Variants in ATP2A2 observed in about 807,000 individuals in gnomAD.
ATP2A2 encodes the protein ATPase sarcoplasmic/endoplasmic reticulum Ca2+ transporting 2, also known as sarcoplasmic/endoplasmic reticulum calcium ATPase 2.
A neutral mutation model predicts 109.3 loss-of-function variants in ATP2A2; 14 were observed. The ratio of observed to expected loss-of-function variants is 0.13; its 90% CI spans 0.08 to 0.20. ATP2A2 has a LOEUF of 0.20. Ranked by LOEUF, ATP2A2 falls within the 10% of genes least tolerant of loss-of-function variation. The pLI, the probability that ATP2A2 is intolerant of heterozygous loss-of-function variation, is 1.00. For missense variants in ATP2A2, 657 were observed against 1,321.6 expected (o/e 0.50, Z 7.80); for synonymous variants, 506 against 490.9 (o/e 1.03, Z -0.41).
intron 3 of ATP2A2, 29 bp from the exon 4 acceptor site, chr12:110,291,989 GAC>G (rs1278074955): frequency 6.3e-7 from 1 of 1,584,638 alleles, no homozygotes; most frequent in Non-Finnish European, 8.7e-7. Flanking sequence ...AGCCTAAAAA[GAC>G]ACATTCTAAC....
Position 110,333,202 on chromosome 12 carries a change from G to A in ATP2A2, c.1206G>A (p.Val402=), listed in dbSNP as rs1376661762. Residue 402 remains valine, a synonymous_variant, in exon 10 of 20, where the codon GTG becomes GTA. Transcript: ENST00000539276. The part of the protein sequence containing the change: ...IGEVHKDDKP[V]NCHQYDGLVE... ...GCAGGCATAAAGATGATAAACCAGT[G>A]AATTGTCACCAGTATGATGGTCTGG... 1 of 1,613,806 alleles carries A rather than the reference G, an allele frequency of 6.2e-7. No homozygotes were observed. The highest frequency in any genetic ancestry group is 8.5e-7 in the Non-Finnish European group (1 of 1,179,844).
In ATP2A2 at chr12:110,349,832, C is replaced by T. The variant is rs957077759; in HGVS notation, c.*3362C>T. 18 of 1,045,370 alleles carry T rather than the reference C, an allele frequency of 1.7e-5. No individual in the cohort carries two copies. Among genetic ancestry groups the T allele is most frequent in the African/African-American group, 1.7e-4 (10 of 59,600 alleles). 64.8% of individuals were successfully genotyped at this position (1,045,370 alleles called of 1,614,324 possible). On this transcript the variant is annotated 3_prime_UTR_variant, in exon 20 of 20. Coordinates refer to ENST00000539276, the MANE Select transcript of ATP2A2 (RefSeq NM_170665.4). ...CCCTCCTTTACTGAGGAGAATGATGCGGAGGAGTTTCCTCTCCAGGGCTAG... is the reference window on the plus strand; with the variant it reads ...CCCTCCTTTACTGAGGAGAATGATGTGGAGGAGTTTCCTCTCCAGGGCTAG...
intron 8 of ATP2A2, chr12:110,329,693 A>T (rs955245908): frequency 2.0e-5 from 3 of 152,206 alleles, no homozygotes; most frequent in African/African-American, 7.2e-5. Flanking sequence ...AAGTGCTGGG[A>T]TTATAGGCGT....
intron 8 of ATP2A2, 166 bp from the exon 9 acceptor site, chr12:110,332,431 G>T: frequency 2.9e-6 from 2 of 682,574 alleles, no homozygotes; most frequent in East Asian, 2.6e-5. Context: ...GTTAGGGTAA[G>T]GGACAGTACT....
intron 11 of ATP2A2, among the ~76,000 whole-genome samples, chr12:110,334,746 C>A (rs989304820): frequency 6.6e-6 from 1 of 152,084 alleles, no homozygotes; most frequent in African/African-American, 2.4e-5. Flanking sequence ...CGCCACCACG[C>A]CTGGCTAATT....
intron 5 of ATP2A2, among the ~76,000 whole-genome samples, chr12:110,298,819 G>A (rs557998068): frequency 4.3e-4 from 66 of 152,130 alleles, no homozygotes; most frequent in Non-Finnish European, 8.1e-4. Flanking sequence ...CTGTTGAAGG[G>A]TATATTGCAG....
chr12:110,343,355 C>T lies in ATP2A2; in HGVS notation c.2442C>T (p.Asp814=). 6.2e-7 allele frequency: 1 copy of T among 1,614,194 alleles called. No individual in the cohort carries two copies. The highest frequency in any genetic ancestry group is 1.7e-5 in the Admixed American group (1 of 60,020). ...TGGGGTTCAACCCTCCTGATCTGGA[C>T]ATCATGAATAAACCTCCCCGGAACC... ...TALGFNPPDL[D]IMNKPPRNPK... Residue 814 remains aspartate (D), a synonymous_variant, in exon 16 of 20, where the codon GAC becomes GAT. Coordinates refer to ENST00000539276, the MANE Select transcript of ATP2A2 (RefSeq NM_170665.4).
rs375770050 is a variant in ATP2A2, at chr12:110,340,775, C to T, written c.1878C>T (p.Asp626=). ...TCCGGGTCATCATGATCACTGGGGACAACAAGGGCACTGCTGTGGCCATCT... is the reference window on the plus strand; with the variant it reads ...TCCGGGTCATCATGATCACTGGGGATAACAAGGGCACTGCTGTGGCCATCT... ...AGIRVIMITG[D]NKGTAVAICR... Residue 626 remains aspartate, a synonymous_variant, in exon 14 of 20, where the codon GAC becomes GAT. Coordinates refer to ENST00000539276, the MANE Select transcript of ATP2A2 (RefSeq NM_170665.4). This position sits in a 1 kb window ranked among gnomAD's most constrained non-coding sequence, Gnocchi z 6.0. 21 of 1,614,024 alleles carry T rather than the reference C, an allele frequency of 1.3e-5. No individual in the cohort carries two copies. The highest frequency in any genetic ancestry group is 1.8e-5 in the Non-Finnish European group (21 of 1,180,044).
At chr12:110,337,027 A>G (rs925895218) in intron 11 of ATP2A2, among the ~76,000 whole-genome samples, 5 of 152,204 alleles carry the variant, frequency 3.3e-5, no homozygotes, top group Non-Finnish European at 5.9e-5. Context: ...GAAACAAGTC[A>G]TGTAATGGGG....
In ATP2A2 at chr12:110,327,439, G is replaced by A; in HGVS notation, c.631-114G>A. ...GCTGGTTGCTTGAACAGTAGCCAGTGGAAGACCTAGTAGAATGTGTAGAGA... is the reference window on the plus strand; with the variant it reads ...GCTGGTTGCTTGAACAGTAGCCAGTAGAAGACCTAGTAGAATGTGTAGAGA... On this transcript the variant is annotated intron_variant, in intron 7 of 19. Transcript: ENST00000539276. The surrounding 1 kb of genome is among the most constrained non-coding windows in gnomAD (Gnocchi z 4.4). 2.1e-6 allele frequency: 2 copies of A among 958,516 alleles called. No individual in the cohort carries two copies. Among genetic ancestry groups the A allele is most frequent in the Non-Finnish European group, 1.7e-6 (1 of 584,518 alleles). The allele number at this position is 958,516 out of a possible 1,614,324, so 59.4% of individuals were successfully genotyped here.
At chr12:110,321,699 T>A (rs1407049079) in intron 5 of ATP2A2, among the ~76,000 whole-genome samples, 1 of 151,588 alleles carries the variant, frequency 6.6e-6, no homozygotes, top group African/African-American at 2.4e-5. Context: ...CCTCCCAAAG[T>A]GTTGGGATTA....
At position 110,339,992 on chromosome 12, in the gene ATP2A2, C is replaced by T. The variant is rs568961553; in HGVS notation, c.1761+271C>T. ...TAAGCTTGTAAACCCCATTTTGCCT[C>T]TCATCTAAATCATGATTTTTTTTAA... On this transcript the variant is annotated intron_variant, in intron 13 of 19. Transcript: ENST00000539276. This position sits in a 1 kb window ranked among gnomAD's most constrained non-coding sequence, Gnocchi z 4.4. Among the ~76,000 whole-genome samples the T allele has an allele frequency of 6.6e-5, 10 of 152,248 alleles. No individual in the cohort carries two copies. In the East Asian group the frequency reaches 1.9e-3, roughly 29 times the overall value.
At position 110,324,288 on chromosome 12, in the gene ATP2A2, A is replaced by G. The variant is rs74412450; in HGVS notation, c.544+1216A>G. On this transcript the variant is annotated intron_variant, in intron 6 of 19. Coordinates refer to ENST00000539276, the MANE Select transcript of ATP2A2 (RefSeq NM_170665.4). ...TTTTTTTGGTATTGTTTCTTTATAA[A>G]TAGCTTACTTATTAAAATTCTCATT... 8.1e-3 allele frequency among the ~76,000 whole-genome samples: 1,231 copies of G among 152,276 alleles called. 1 individual carries two copies. The highest frequency in any genetic ancestry group is 9.5e-3 in the Non-Finnish European group (643 of 68,024).
At position 110,339,843 on chromosome 12, in the gene ATP2A2, T is replaced by A; in HGVS notation, c.1761+122T>A. 9.4e-7 allele frequency: 1 copy of A among 1,066,506 alleles called. No homozygotes were observed. The highest frequency in any genetic ancestry group is 1.4e-6 in the Non-Finnish European group (1 of 716,528). 66.1% of individuals were successfully genotyped at this position (1,066,506 alleles called of 1,614,324 possible). ...GCCAAGAAAGAGGTGTGGTTATTTGTTTTTCTGCCTGCCAGCTGTGTCACC... is the reference window on the plus strand; with the variant it reads ...GCCAAGAAAGAGGTGTGGTTATTTGATTTTCTGCCTGCCAGCTGTGTCACC... On this transcript the variant is annotated intron_variant, in intron 13 of 19. Coordinates refer to ENST00000539276, the MANE Select transcript of ATP2A2 (RefSeq NM_170665.4). This position sits in a 1 kb window ranked among gnomAD's most constrained non-coding sequence, Gnocchi z 4.4.
rs1880145566 is a variant in ATP2A2 at position 110,348,996 on chromosome 12, G to C, written c.*2526G>C. On this transcript the variant is annotated 3_prime_UTR_variant, in exon 20 of 20. Coordinates refer to ENST00000539276, the MANE Select transcript of ATP2A2 (RefSeq NM_170665.4). ...TGGCCTTTACAAAAAAAGTTGAGTA[G>C]TGTGTGGCCTGCTGTCGCACAGCCC... The C allele has an allele frequency of 1.8e-5, 18 of 985,344 alleles. No individual in the cohort carries two copies. The highest frequency in any genetic ancestry group is 4.7e-5 in the South Asian group (1 of 21,292). 61.0% of individuals were successfully genotyped at this position (985,344 alleles called of 1,614,324 possible).
At chr12:110,316,542 A>G (rs1327730447) in intron 5 of ATP2A2, among the ~76,000 whole-genome samples, 1 of 152,216 alleles carries the variant, frequency 6.6e-6, no homozygotes, top group East Asian at 1.9e-4. Context: ...TGTGTGCCAA[A>G]TGCTTTATTC....
At chr12:110,293,276 A>G (rs375135949) in intron 4 of ATP2A2, among the ~76,000 whole-genome samples, 1 of 150,742 alleles carries the variant, frequency 6.6e-6, no homozygotes, top group East Asian at 2.0e-4. Flanking sequence ...GGGTTTCACC[A>G]TCAGGCTGGT....
At position 110,349,411 on chromosome 12, in the gene ATP2A2, G is replaced by A. The variant is rs1227543128; in HGVS notation, c.*2941G>A. On this transcript the variant is annotated 3_prime_UTR_variant, in exon 20 of 20. Transcript: ENST00000539276. ...CATCAGTGTCGCTTGTTGCCACCCC[G>A]TGCCTCCCTTGGCCTCTCTGAGCTT... The A allele has an allele frequency of 4.1e-6, 4 of 985,394 alleles. No homozygotes were observed. The highest frequency in any genetic ancestry group is 1.7e-5 in the African/African-American group (1 of 57,216). 61.0% of individuals were successfully genotyped at this position (985,394 alleles called of 1,614,324 possible). A position where few individuals can be genotyped will look rare whatever the true frequency, so the allele number is the denominator to read the frequency against.
At chr12:110,345,792 C>A in intron 18 of ATP2A2, 1 of 654,384 alleles carries the variant, frequency 1.5e-6, no homozygotes, top group Non-Finnish European at 2.8e-6. Flanking sequence ...ATGGGGTCTG[C>A]TATGCCAAAA....
Sources: gnomAD v4.1 joint callset for allele counts (sites outside exome capture counted in the v4.1 genomes callset) on GRCh38, gnomAD v4.1.1 for gene constraint, Gnocchi (gnomAD v3.1) non-coding constraint, MANE v1.5 for transcripts, NCBI Gene and HGNC (gene_info 2026-07-23, HGNC 2026-07-21) for gene names.